STEAP3: variants seen among roughly 807,000 people sequenced by gnomAD.
The protein encoded by STEAP3 is metalloreductase STEAP3.
In STEAP3, 35 loss-of-function variants were observed where a neutral mutation model predicts 34.9. The ratio of observed to expected loss-of-function variants is 1.00; its 90% CI spans 0.76 to 1.33. STEAP3 has a LOEUF of 1.33. Among genes scored for constraint, STEAP3 ranks in the 40% most tolerant of loss-of-function variants. STEAP3 has a pLI of 0.00. For missense variants in STEAP3, 652 were observed against 667.6 expected (o/e 0.98, Z 0.26); for synonymous variants, 281 against 301.6 (o/e 0.93, Z 0.71).
chr2:119,225,978 G>A (rs1417623323), intron 1 of STEAP3, among the ~76,000 whole-genome samples: 3 of 152,230 alleles, frequency 2.0e-5, no homozygotes, highest in Non-Finnish European at 4.4e-5. Flanking sequence ...ACCAGTGAGG[G>A]GCCTTCCAGG....
In STEAP3 at chr2:119,245,416, A is replaced by G; in HGVS notation, c.23-73A>G. The G allele has an allele frequency of 2.6e-6, 4 of 1,516,238 alleles. No individual in the cohort carries two copies. In the South Asian group the frequency reaches 5.3e-5, roughly 20 times the overall value. 93.9% of individuals were successfully genotyped at this position (1,516,238 alleles called of 1,614,324 possible). On this transcript the variant is annotated intron_variant, in intron 2 of 5. Coordinates refer to ENST00000393110, the MANE Select transcript of STEAP3 (RefSeq NM_182915.3). ...TCTGACTGCCGTGTAGTTACGATGT[A>G]TAAGAGGAGGGAGGTGGCAGAAGGG...
At chr2:119,257,771 CCA>C in intron 5 of STEAP3, 1 of 1,306,750 alleles carries the variant, frequency 7.7e-7, no homozygotes, top group Non-Finnish European at 9.7e-7. Context: ...ACACACATGT[CCA>C]CAGCAGACAC....
At position 119,263,500 on chromosome 2, in the gene STEAP3, G is replaced by A; in HGVS notation, c.*162G>A. The A allele has an allele frequency of 1.2e-6, 1 of 858,576 alleles. No homozygotes were observed. Among genetic ancestry groups the A allele is most frequent in the Non-Finnish European group, 1.9e-6 (1 of 531,674 alleles). The allele number at this position is 858,576 out of a possible 1,614,324, so 53.2% of individuals were successfully genotyped here. On this transcript the variant is annotated 3_prime_UTR_variant, in exon 6 of 6. Coordinates refer to ENST00000393110, the MANE Select transcript of STEAP3 (RefSeq NM_182915.3). ...AAATGTATGCAGTACTATTCAGAATGATATACACACATATGTGTATATGTA... is the reference window on the plus strand; with the variant it reads ...AAATGTATGCAGTACTATTCAGAATAATATACACACATATGTGTATATGTA...
intron 5 of STEAP3, among the ~76,000 whole-genome samples, chr2:119,259,824 G>A (rs150847205): frequency 8.5e-5 from 13 of 152,348 alleles, no homozygotes; most frequent in African/African-American, 2.9e-4. Context: ...CGACACAGAG[G>A]TGGGCGCCAA....
chr2:119,227,020 TTACC>T (rs934282062), intron 1 of STEAP3, among the ~76,000 whole-genome samples: 1 of 152,200 alleles, frequency 6.6e-6, no homozygotes, highest in East Asian at 1.9e-4. Context: ...CAACAAACAC[TTACC>T]GAGCACTAAC....
chr2:119,230,862 C>T lies in STEAP3; in HGVS notation c.-151C>T. On this transcript the variant is annotated 5_prime_UTR_variant, in exon 2 of 6. Coordinates refer to ENST00000393110, the MANE Select transcript of STEAP3 (RefSeq NM_182915.3). ...AGGCTGCGGGAGGCAGCTGGCTGTG[C>T]AAGACCCTGGCAGGGCCCTCGCCTC... The T allele has an allele frequency of 2.0e-6, 2 of 1,018,908 alleles. No individual in the cohort carries two copies. The highest frequency in any genetic ancestry group is 1.4e-5 in the South Asian group (1 of 72,296). 63.1% of individuals were successfully genotyped at this position (1,018,908 alleles called of 1,614,324 possible). A position where few individuals can be genotyped will look rare whatever the true frequency, so the allele number is the denominator to read the frequency against.
At chr2:119,225,979 G>C (rs941838442) in intron 1 of STEAP3, among the ~76,000 whole-genome samples, 1 of 152,248 alleles carries the variant, frequency 6.6e-6, no homozygotes, top group African/African-American at 2.4e-5. Context: ...CCAGTGAGGG[G>C]CCTTCCAGGC....
At chr2:119,258,701 G>A (rs1473326108) in intron 5 of STEAP3, among the ~76,000 whole-genome samples, 5 of 145,536 alleles carry the variant, frequency 3.4e-5, no homozygotes, top group African/African-American at 7.8e-5. Flanking sequence ...TCTGCCTCCC[G>A]GGTTCATGCC....
In STEAP3 at chr2:119,247,902, A is replaced by G. The variant is rs200036023; in HGVS notation, c.746A>G (p.Tyr249Cys). ...TTCGTCCGGGACGTTCTGCAGCCCT[A>G]TGTGCAGGAAAGCCAGAACAAGTTC... ...YNFVRDVLQP[Y>C]VQESQNKFFK... The change falls in exon 4 of 6, where the codon TAT (tyrosine) becomes TGT (cysteine). Residue 249 changes from tyrosine (Y) to cysteine (C), a missense_variant. Physicochemically the swap from Tyr to Cys is radical, Grantham distance 194. Transcript: ENST00000393110. 1.5e-5 allele frequency: 25 copies of G among 1,613,688 alleles called. 1 individual carries two copies. In the Middle Eastern group the frequency reaches 4.9e-4, roughly 32 times the overall value.
In STEAP3 at chr2:119,247,745, T is replaced by C; in HGVS notation, c.589T>C (p.Phe197Leu). 6.3e-7 allele frequency: 1 copy of C among 1,598,594 alleles called. No homozygotes were observed. Among genetic ancestry groups the C allele is most frequent in the Non-Finnish European group, 8.5e-7 (1 of 1,174,328 alleles). Residue 197 changes from phenylalanine (F) to leucine (L), a missense_variant, in exon 4 of 6, where the codon TTC becomes CTC. Coordinates refer to ENST00000393110, the MANE Select transcript of STEAP3 (RefSeq NM_182915.3). ...AVSEMALAMG[F>L]MPVDMGSLAS... ...CTCGGAGATGGCGCTCGCCATGGGC[T>C]TCATGCCCGTGGACATGGGATCCCT...
chr2:119,251,515 T>C (rs1677625538), intron 4 of STEAP3, among the ~76,000 whole-genome samples: 1 of 152,154 alleles, frequency 6.6e-6, no homozygotes, highest in African/African-American at 2.4e-5. Context: ...AAGAAATGTT[T>C]AACCTGCACA....
intron 1 of STEAP3, among the ~76,000 whole-genome samples, chr2:119,225,021 C>T (rs149026999): frequency 6.6e-6 from 1 of 152,214 alleles, no homozygotes; most frequent in African/African-American, 2.4e-5. Flanking sequence ...GCGAAACAGG[C>T]TGTGTCCTCA....
intron 2 of STEAP3, among the ~76,000 whole-genome samples, chr2:119,237,979 C>A (rs1677139325): frequency 6.6e-6 from 1 of 152,216 alleles, no homozygotes; most frequent in South Asian, 2.1e-4. Context: ...TCAAGGTTCA[C>A]CCCTGTTGGA....
Position 119,262,797 on chromosome 2 carries a change from C to T in STEAP3, c.1216-260C>T, listed in dbSNP as rs138739846. On this transcript the variant is annotated intron_variant, in intron 5 of 5. Transcript: ENST00000393110. ...GGTCATATAGTTATTGTATGGAATC[C>T]GTGTGAATTGGTGGGTCCTTAGACA... Among the ~76,000 whole-genome samples the T allele has an allele frequency of 1.5e-3, 223 of 152,262 alleles. 1 individual carries two copies. The highest frequency in any genetic ancestry group is 5.1e-3 in the African/African-American group (212 of 41,558).
Position 119,242,869 on chromosome 2 carries a change from G to A in STEAP3, c.23-2620G>A, listed in dbSNP as rs766393396. 7.5e-4 allele frequency among the ~76,000 whole-genome samples: 114 copies of A among 152,154 alleles called. 2 individuals are homozygous for A. Among genetic ancestry groups the A allele is most frequent in the Admixed American group, 2.6e-4 (4 of 15,274 alleles). ...GGCTCCAGAGCCCGGCTCCTGGACC[G>A]AGCAGCCTTGAGTAGGGACCTGGTG... On this transcript the variant is annotated intron_variant, in intron 2 of 5. Coordinates refer to ENST00000393110, the MANE Select transcript of STEAP3 (RefSeq NM_182915.3).
At chr2:119,256,223 C>T (rs1374957284) in intron 5 of STEAP3, among the ~76,000 whole-genome samples, 1 of 152,210 alleles carries the variant, frequency 6.6e-6, no homozygotes, top group African/African-American at 2.4e-5. Flanking sequence ...ATTGGAACAA[C>T]ACAGAGTTGT....
chr2:119,262,095 C>T (rs1033175101), intron 5 of STEAP3, among the ~76,000 whole-genome samples: 7 of 152,146 alleles, frequency 4.6e-5, no homozygotes, highest in Non-Finnish European at 8.8e-5. Context: ...GCTTTCTATA[C>T]GGTGCCAGGT....
intron 5 of STEAP3, 149 bp from the exon 6 acceptor site, chr2:119,262,906 AAG>A: frequency 1.0e-6 from 1 of 970,820 alleles, no homozygotes; most frequent in Non-Finnish European, 1.6e-6. Context: ...AGATCACACT[AAG>A]AGAGTGACAG....
rs1678071935 is a variant in STEAP3, at chr2:119,265,155, G to C, written c.*1817G>C. 6.6e-6 allele frequency: 1 copy of C among 152,292 alleles called. No homozygotes were observed. Among genetic ancestry groups the C allele is most frequent in the Non-Finnish European group, 1.5e-5 (1 of 68,134 alleles). The allele number at this position is 152,292 out of a possible 1,614,324, so 9.4% of individuals were successfully genotyped here. A position where few individuals can be genotyped will look rare whatever the true frequency, so the allele number is the denominator to read the frequency against. ...AGGCAGGGAGAGCATGGGCAATGGA[G>C]ACCCACCAATGATCCCCAACCCCGG... On this transcript the variant is annotated 3_prime_UTR_variant, in exon 6 of 6. Coordinates refer to ENST00000393110, the MANE Select transcript of STEAP3 (RefSeq NM_182915.3).
Sources: allele counts gnomAD v4.1 joint callset (sites outside exome capture counted in the v4.1 genomes callset), GRCh38; gene constraint gnomAD v4.1.1; transcripts MANE v1.5; gene names NCBI Gene and HGNC (gene_info 2026-07-23, HGNC 2026-07-21).